L3MBTL3: variants seen among roughly 807,000 people sequenced by gnomAD.
The protein encoded by L3MBTL3 is L3MBTL histone methyl-lysine binding protein 3.
In L3MBTL3, 27 loss-of-function variants were observed where a neutral mutation model predicts 102.3. That is an observed-to-expected ratio of 0.26 (90% CI 0.19 to 0.36). The LOEUF is 0.36. Ranked by LOEUF, L3MBTL3 falls within the 10% of genes least tolerant of loss-of-function variation. The pLI is 1.00. For synonymous variants in L3MBTL3, 340 were observed against 320.9 expected (o/e 1.06, Z -0.64); for missense variants, 798 against 955.3 (o/e 0.84, Z 2.17).
intron 17 of L3MBTL3, among the ~76,000 whole-genome samples, chr6:130,093,473 T>C (rs547649066): frequency 5.3e-4 from 81 of 152,310 alleles, no homozygotes; most frequent in African/African-American, 1.9e-3. Context: ...GTGACTTCAC[T>C]TCTGGATGCT....
intron 12 of L3MBTL3, 67 bp downstream of exon 12, chr6:130,068,488 T>C: frequency 1.3e-6 from 1 of 784,230 alleles, no homozygotes; most frequent in East Asian, 2.5e-5. Context: ...TAGGATCAAT[T>C]ACAAGTGATA....
intron 20 of L3MBTL3, among the ~76,000 whole-genome samples, chr6:130,130,844 G>A (rs9375706): frequency 0.99 from 150,583 of 152,330 alleles, 74,445 homozygotes; most frequent in Middle Eastern, 1. Flanking sequence ...GTCAACTCCA[G>A]TAAAATAGAT....
intron 9 of L3MBTL3, 59 bp from the exon 10 acceptor site, chr6:130,059,977 A>T: frequency 1.1e-6 from 1 of 892,574 alleles, no homozygotes; most frequent in Non-Finnish European, 1.8e-6. Flanking sequence ...GTAACTATTT[A>T]CATCTTTAAA....
At chr6:130,116,433 G>A (rs1277375223) in intron 19 of L3MBTL3, among the ~76,000 whole-genome samples, 1 of 52,794 alleles carries the variant, frequency 1.9e-5, no homozygotes, top group African/African-American at 3.5e-5. Flanking sequence ...GATCATATGT[G>A]TAACCACTAT....
chr6:130,086,692 G>A (rs1477779514), intron 16 of L3MBTL3, among the ~76,000 whole-genome samples: 1 of 152,088 alleles, frequency 6.6e-6, no homozygotes, highest in African/African-American at 2.4e-5. Flanking sequence ...ATTTTAATTA[G>A]AGTAATAAAA....
At chr6:130,109,945 T>A (rs1562320018) in intron 19 of L3MBTL3, among the ~76,000 whole-genome samples, 1 of 152,254 alleles carries the variant, frequency 6.6e-6, no homozygotes, top group Non-Finnish European at 1.5e-5. Flanking sequence ...CACCATTTAT[T>A]AAATAGAAAA....
rs114051590 is a variant in L3MBTL3 at position 130,062,378 on chromosome 6, A to G, written c.864+2238A>G. Among the ~76,000 whole-genome samples, 1,241 of 149,482 alleles carry G rather than the reference A, an allele frequency of 8.3e-3. 10 individuals are homozygous for G. Among genetic ancestry groups the G allele is most frequent in the Admixed American group, 0.012 (174 of 14,962 alleles). On this transcript the variant is annotated intron_variant, in intron 10 of 22. Transcript: ENST00000361794. ...GACACACAGACAAACACACGCGCGC[A>G]CACACACACTTTTTTTTTTTTTCCG...
rs151101179 is a variant in L3MBTL3, at chr6:130,018,678, G to A, written c.-95+14G>A. 28 of 153,044 alleles carry A rather than the reference G, an allele frequency of 1.8e-4. No individual in the cohort carries two copies. In the East Asian group the frequency reaches 3.3e-3, roughly 18 times the overall value. The allele number at this position is 153,044 out of a possible 1,614,324, so 9.5% of individuals were successfully genotyped here. On this transcript the variant is annotated intron_variant, in intron 1 of 22. Coordinates refer to ENST00000361794, the MANE Select transcript of L3MBTL3 (RefSeq NM_032438.4). ...GAAAATTTGGGGGTAAGAAGCGGTT[G>A]ATCGGATCTAATCTCTAATTAATCT...
chr6:130,100,521 T>C (rs1178351841), intron 18 of L3MBTL3, among the ~76,000 whole-genome samples: 2 of 152,110 alleles, frequency 1.3e-5, no homozygotes, highest in Non-Finnish European at 2.9e-5. Flanking sequence ...ATAAAATCAA[T>C]AGCTGATAGG....
intron 2 of L3MBTL3, among the ~76,000 whole-genome samples, chr6:130,027,578 A>C (rs1382721410): frequency 6.6e-6 from 1 of 152,190 alleles, no homozygotes; most frequent in African/African-American, 2.4e-5. Flanking sequence ...GGTTGGCTAC[A>C]AATGGTTATC....
chr6:130,027,694 T>C (rs1448119795), intron 2 of L3MBTL3, among the ~76,000 whole-genome samples: 1 of 152,114 alleles, frequency 6.6e-6, no homozygotes, highest in Non-Finnish European at 1.5e-5. Flanking sequence ...TCTATAAAAA[T>C]ATGAAGCAAA....
At chr6:130,081,130 C>T (rs1783314143) in intron 14 of L3MBTL3, among the ~76,000 whole-genome samples, 1 of 152,222 alleles carries the variant, frequency 6.6e-6, no homozygotes, top group Non-Finnish European at 1.5e-5. Flanking sequence ...TTAAAATCTT[C>T]ATGCCTTTTA....
At position 130,049,925 on chromosome 6, in the gene L3MBTL3, A is replaced by G. The variant is rs534441368; in HGVS notation, c.289+95A>G. On this transcript the variant is annotated intron_variant, in intron 5 of 22. Transcript: ENST00000361794. ...CTCTTTCTTCCCTAACCCATATTTC[A>G]GTTGACAATAGCACCATCCACCCAG... is the stretch of plus-strand genomic sequence containing the variant. The G allele has an allele frequency of 3.5e-6, 5 of 1,440,678 alleles. No homozygotes were observed. The Admixed American group carries it at 1.2e-4, about 35-fold the overall frequency. The allele number at this position is 1,440,678 out of a possible 1,614,324, so 89.2% of individuals were successfully genotyped here. A position where few individuals can be genotyped will look rare whatever the true frequency, so the allele number is the denominator to read the frequency against.
chr6:130,107,091 G>C (rs1052804357), intron 19 of L3MBTL3, among the ~76,000 whole-genome samples: 1 of 152,144 alleles, frequency 6.6e-6, no homozygotes, highest in Non-Finnish European at 1.5e-5. Context: ...GAGAAGCAGT[G>C]GTAGGACCCA....
intron 16 of L3MBTL3, 27 bp downstream of exon 16, chr6:130,086,277 T>G (rs758101850): frequency 1.4e-6 from 2 of 1,419,976 alleles, no homozygotes; most frequent in Admixed American, 4.0e-5. Flanking sequence ...GGGGGTTGGC[T>G]TTGTCTTTTG....
intron 22 of L3MBTL3, among the ~76,000 whole-genome samples, chr6:130,139,361 T>C (rs1418149117): frequency 6.6e-6 from 1 of 152,192 alleles, no homozygotes; most frequent in African/African-American, 2.4e-5. Flanking sequence ...CAGGAAGATA[T>C]GGGCACCTTC....
chr6:130,041,112 G>A (rs964941545), intron 2 of L3MBTL3, among the ~76,000 whole-genome samples: 1 of 152,212 alleles, frequency 6.6e-6, no homozygotes, highest in South Asian at 2.1e-4. Flanking sequence ...AGAGACCCTT[G>A]AGGAATGCAT....
rs11968072 is a variant in L3MBTL3, at chr6:130,140,896, T to C, written c.*1143T>C. 5,553 of 152,714 alleles carry C rather than the reference T, an allele frequency of 0.036. 121 individuals are homozygous for C. The highest frequency in any genetic ancestry group is 0.047 in the African/African-American group (1,939 of 41,544). The allele number at this position is 152,714 out of a possible 1,614,324, so 9.5% of individuals were successfully genotyped here. ...TCAGGGAGGTGATTTCCCAAAGTAA[T>C]TGCCCAAGAACCTCCGTTTTGGAAG... On this transcript the variant is annotated 3_prime_UTR_variant, in exon 23 of 23. Transcript: ENST00000361794.
At chr6:130,071,236 C>A in intron 13 of L3MBTL3, 109 bp downstream of exon 13, 1 of 920,430 alleles carries the variant, frequency 1.1e-6, no homozygotes, top group East Asian at 2.7e-5. Flanking sequence ...AGTGTTCTGC[C>A]CCACTTTTTC....
Sources: gnomAD v4.1 joint callset for allele counts (sites outside exome capture counted in the v4.1 genomes callset) on GRCh38, gnomAD v4.1.1 for gene constraint, MANE v1.5 for transcripts, NCBI Gene and HGNC (gene_info 2026-07-23, HGNC 2026-07-21) for gene names.